The following TPD52L2 variants were observed in gnomAD, a reference collection of about 807,000 sequenced individuals.
TPD52L2 encodes the protein tumor protein D54.
TPD52L2 carries 19 observed loss-of-function variants against 24.7 expected under a neutral mutation model. That is an observed-to-expected ratio of 0.77 (90% CI 0.54 to 1.13). The LOEUF (loss-of-function observed/expected upper bound fraction) is 1.13. Among genes scored for constraint, TPD52L2 ranks in the 50% most tolerant of loss-of-function variants. The pLI, the probability that TPD52L2 is intolerant of heterozygous loss-of-function variation, is 0.00. For missense variants in TPD52L2, 236 were observed against 250.4 expected, an observed-to-expected ratio of 0.94 and a Z score of 0.39; for synonymous variants, 104 against 100.2, an observed-to-expected ratio of 1.04 and a Z score of -0.23.
intron 6 of TPD52L2, among the ~76,000 whole-genome samples, 168 bp from the exon 7 acceptor site, chr20:63,889,682 C>G (rs1390580400): frequency 6.6e-6 from 1 of 152,238 alleles, no homozygotes; most frequent in Non-Finnish European, 1.5e-5. Context: ...GCATCGTTCT[C>G]TGGAGACCTG....
chr20:63,875,562 C>T (rs1477530464), intron 3 of TPD52L2, among the ~76,000 whole-genome samples: 1 of 152,234 alleles, frequency 6.6e-6, no homozygotes, highest in Non-Finnish European at 1.5e-5. Context: ...CAAGAATCTC[C>T]TAGCGAGAGA....
chr20:63,873,883 G>GT (rs2052561097), intron 3 of TPD52L2, 67 bp downstream of exon 3: 1 of 1,408,734 alleles, frequency 7.1e-7, no homozygotes, highest in South Asian at 1.6e-5. Context: ...GCCCCGGCAT[G>GT]TGGGGGGGCG....
intron 5 of TPD52L2, chr20:63,885,997 T>C: frequency 3.7e-6 from 6 of 1,614,116 alleles, no homozygotes; most frequent in Non-Finnish European, 5.1e-6. Flanking sequence ...TCCTCTTCTC[T>C]CCTGCTGCCA....
intron 3 of TPD52L2, among the ~76,000 whole-genome samples, chr20:63,874,394 G>A (rs1291372763): frequency 7.0e-6 from 1 of 141,958 alleles, no homozygotes; most frequent in African/African-American, 2.6e-5. Context: ...ATTCTTTTTT[G>A]AGATGGTTTC....
chr20:63,873,284 G>GT (rs1348798930), intron 2 of TPD52L2, among the ~76,000 whole-genome samples: 1 of 152,072 alleles, frequency 6.6e-6, no homozygotes, highest in African/African-American at 2.4e-5. Flanking sequence ...GAGGTTGGGA[G>GT]TTTGAGACGA....
intron 5 of TPD52L2, chr20:63,887,848 C>T (rs539407455): frequency 7.0e-5 from 40 of 567,696 alleles, no homozygotes; most frequent in African/African-American, 5.7e-4. Context: ...CAAACTGGGC[C>T]GTGTCCTTTC....
At chr20:63,887,071 T>A in intron 5 of TPD52L2, 1 of 215,178 alleles carries the variant, frequency 4.6e-6, no homozygotes, top group Non-Finnish European at 9.4e-6. Context: ...AGCCCATAGG[T>A]GTGCCTCCCA....
At chr20:63,884,196 T>TG (rs1028716506) in intron 5 of TPD52L2, among the ~76,000 whole-genome samples, 228 of 152,104 alleles carry the variant, frequency 1.5e-3, no homozygotes, top group African/African-American at 5.1e-3. Context: ...AGCTGTGACT[T>TG]GGGGGGGTCC....
intron 4 of TPD52L2, 42 bp from the exon 5 acceptor site, chr20:63,882,677 C>G (rs761080772): frequency 8.5e-6 from 13 of 1,536,008 alleles, no homozygotes; most frequent in Admixed American, 1.7e-5. Context: ...GGGTGGTGAC[C>G]CGCCCATGCT....
intron 2 of TPD52L2, among the ~76,000 whole-genome samples, chr20:63,869,685 C>G (rs575983693): frequency 1.3e-5 from 2 of 152,328 alleles, no homozygotes; most frequent in Non-Finnish European, 2.9e-5. Context: ...CCTGGCCCTT[C>G]CTAAGTGCTC....
chr20:63,889,593 A>G (rs2053258520), intron 6 of TPD52L2, among the ~76,000 whole-genome samples: 1 of 152,076 alleles, frequency 6.6e-6, no homozygotes, highest in East Asian at 1.9e-4. Context: ...CTCCCTTTGT[A>G]TAATTGTGTC....
At chr20:63,876,835 G>A (rs534732636) in intron 4 of TPD52L2, 23 of 455,772 alleles carry the variant, frequency 5.0e-5, no homozygotes, top group African/African-American at 4.2e-4. Context: ...GACCCGGGTG[G>A]TTCGTGGGCA....
intron 5 of TPD52L2, chr20:63,887,721 A>G (rs1486024023): frequency 1.0e-5 from 11 of 1,089,702 alleles, no homozygotes; most frequent in African/African-American, 1.5e-5. Context: ...TGAGGACTCC[A>G]TTCCCTTGGC....
chr20:63,867,009 A>G (rs1330862647), intron 1 of TPD52L2, among the ~76,000 whole-genome samples: 3 of 149,672 alleles, frequency 2.0e-5, no homozygotes. Flanking sequence ...GCTGCAGTAC[A>G]ATGGCGCGAT....
At chr20:63,889,259 T>A (rs1269683317) in intron 6 of TPD52L2, 21 bp downstream of exon 6, 6 of 1,608,578 alleles carry the variant, frequency 3.7e-6, no homozygotes, top group Non-Finnish European at 5.1e-6. Context: ...CTGGACTGTT[T>A]GATGGTCTTG....
At chr20:63,870,684 C>T (rs564504760) in intron 2 of TPD52L2, among the ~76,000 whole-genome samples, 10 of 149,200 alleles carry the variant, frequency 6.7e-5, no homozygotes, top group South Asian at 2.1e-4. Context: ...CCACCACGCC[C>T]GGCTAATTTT....
chr20:63,878,545 T>TGCA (rs2052776139), intron 4 of TPD52L2, among the ~76,000 whole-genome samples: 1 of 152,140 alleles, frequency 6.6e-6, no homozygotes, highest in South Asian at 2.1e-4. Flanking sequence ...CTGCCCCCAC[T>TGCA]GCTGCAGCCC....
chr20:63,874,821 GCAT>G, intron 3 of TPD52L2, among the ~76,000 whole-genome samples: 1 of 152,046 alleles, frequency 6.6e-6, no homozygotes, highest in African/African-American at 2.4e-5. Context: ...TGTGGGTGTG[GCAT>G]GGTCACAGCC....
In TPD52L2 at chr20:63,878,120, G is replaced by T. The variant is rs577862925; in HGVS notation, c.374+2245G>T. On this transcript the variant is annotated intron_variant, in intron 4 of 6. Transcript: ENST00000346249. ...GATGGGCTGTAGATGTACCTCCACT[G>T]CCCAGAGCTCTGCAGGGGAAGGCAG... is the stretch of plus-strand genomic sequence containing the variant. Among the ~76,000 whole-genome samples, 12 of 152,372 alleles carry T rather than the reference G, an allele frequency of 7.9e-5. No homozygotes were observed. The South Asian group carries it at 2.3e-3, about 29-fold the overall frequency.
Sources: allele counts gnomAD v4.1 joint callset (sites outside exome capture counted in the v4.1 genomes callset), GRCh38; gene constraint gnomAD v4.1.1; transcripts MANE v1.5; gene names NCBI Gene and HGNC (gene_info 2026-07-23, HGNC 2026-07-21).